COL17A1: variants seen among roughly 807,000 people sequenced by gnomAD.
The protein encoded by COL17A1 is collagen alpha-1(XVII) chain.
A neutral mutation model predicts 218.4 loss-of-function variants in COL17A1; 181 were observed. That is an observed-to-expected ratio of 0.83 (90% CI 0.73 to 0.94). The LOEUF (loss-of-function observed/expected upper bound fraction) is 0.94, where lower values mean the gene tolerates loss of function less well. COL17A1 is among the 40% of genes least tolerant of loss of function. COL17A1 has a pLI of 0.00. For synonymous variants in COL17A1, 721 were observed against 731.0 expected, an observed-to-expected ratio of 0.99 and a Z score of 0.22; for missense variants, 1,924 against 1,945.9, an observed-to-expected ratio of 0.99 and a Z score of 0.21.
chr10:104,064,339 G>T, intron 10 of COL17A1, 99 bp downstream of exon 10: 1 of 1,585,018 alleles, frequency 6.3e-7, no homozygotes, highest in Non-Finnish European at 8.6e-7. Flanking sequence ...CTCTCCAGGA[G>T]GCCCTGAGGA....
intron 3 of COL17A1, among the ~76,000 whole-genome samples, chr10:104,077,893 G>C (rs1170771523): frequency 6.6e-6 from 1 of 152,216 alleles, no homozygotes; most frequent in East Asian, 1.9e-4. Flanking sequence ...TGCTTTTTCT[G>C]AGTGCCTGGT....
chr10:104,061,450 G>T lies in COL17A1; in HGVS notation c.934C>A (p.Pro312Thr). The change falls in exon 13 of 56, where the codon CCC (proline) becomes ACC (threonine). Residue 312 changes from proline (P) to threonine (T), a missense_variant. By Grantham distance (38) the Pro-to-Thr change is conservative. Coordinates refer to ENST00000648076, the MANE Select transcript of COL17A1 (RefSeq NM_000494.4). ...GTGTTCACAGCCGCAGGACTCTGGG[G>T]CATGTTTTTCTTCACCCCATATGCT... ...STAYGVKKNMPQSPAAVNTGV... is the reference protein window; with the variant it reads ...STAYGVKKNMTQSPAAVNTGV... The T allele has an allele frequency of 1.9e-6, 3 of 1,613,600 alleles. No individual in the cohort carries two copies. Among genetic ancestry groups the T allele is most frequent in the Non-Finnish European group, 2.5e-6 (3 of 1,179,884 alleles).
chr10:104,039,903 C>T, intron 41 of COL17A1, 70 bp downstream of exon 41: 2 of 1,599,380 alleles, frequency 1.3e-6, no homozygotes, highest in Non-Finnish European at 1.7e-6. Flanking sequence ...AAGCTCAAAG[C>T]TCTTGGGAGG....
intron 9 of COL17A1, among the ~76,000 whole-genome samples, chr10:104,066,553 C>T (rs998041435): frequency 6.6e-6 from 1 of 152,100 alleles, no homozygotes; most frequent in Non-Finnish European, 1.5e-5. Context: ...AGTGAATTAA[C>T]CCCCATGCTC....
intron 33 of COL17A1, among the ~76,000 whole-genome samples, chr10:104,044,467 A>G (rs2086390032): frequency 6.6e-6 from 1 of 152,224 alleles, no homozygotes; most frequent in South Asian, 2.1e-4. Context: ...TGCAGTGCTG[A>G]GAACTGACAA....
chr10:104,045,691 G>T, intron 33 of COL17A1, 67 bp downstream of exon 33: 1 of 1,325,858 alleles, frequency 7.5e-7, no homozygotes, highest in Non-Finnish European at 1.1e-6. Flanking sequence ...GCCTCCTCCT[G>T]TCCATCCCTT....
In COL17A1 at chr10:104,059,701, T is replaced by A; in HGVS notation, c.1159A>T (p.Thr387Ser). The A allele has an allele frequency of 1.9e-6, 3 of 1,614,218 alleles. No individual in the cohort carries two copies. The highest frequency in any genetic ancestry group is 1.7e-6 in the Non-Finnish European group (2 of 1,180,034). ...SIAATSFSED[T>S]LKKEKQAAYN... ...GCAGCTTGCTTTTCTTTTTTTAGGG[T>A]GTCTTCTGAAAAAGAAGCTATGTAC... The change falls in exon 15 of 56, where the codon ACC (threonine) becomes TCC (serine). Residue 387 changes from threonine (T) to serine (S), a missense_variant. By Grantham distance (58) the Thr-to-Ser change is moderately conservative. Transcript: ENST00000648076.
rs1417230543 is a variant in COL17A1, at chr10:104,031,966, C to T, written c.*269G>A. On this transcript the variant is annotated 3_prime_UTR_variant, in exon 56 of 56. Coordinates refer to ENST00000648076, the MANE Select transcript of COL17A1 (RefSeq NM_000494.4). ...AACTAAGTAAAGAAGCCAAGGAGTT[C>T]AGATCTAGATAGCAGAGAAGTAAGT... is the stretch of plus-strand genomic sequence containing the variant. The T allele has an allele frequency of 1.8e-6, 1 of 542,638 alleles. No homozygotes were observed. The highest frequency in any genetic ancestry group is 1.9e-5 in the African/African-American group (1 of 52,796). The allele number at this position is 542,638 out of a possible 1,614,324, so 33.6% of individuals were successfully genotyped here.
rs769597571 is a variant in COL17A1 at position 104,032,253 on chromosome 10, A to T, written c.4476T>A (p.Ser1492Arg). 2 of 1,614,050 alleles carry T rather than the reference A, an allele frequency of 1.2e-6. No individual in the cohort carries two copies. Among genetic ancestry groups the T allele is most frequent in the South Asian group, 2.2e-5 (2 of 91,080 alleles). Reference sequence around the variant, plus strand: ...GGCTAGCTCACGGCTTGACAGCAATACTTCTTCTCCTTCTCCGCCCAGCAT... The same window carrying T: ...GGCTAGCTCACGGCTTGACAGCAATTCTTCTTCTCCTTCTCCGCCCAGCAT... The part of the protein sequence containing the change: ...QVYAGRRRRR[S>R]IAVKP The change falls in exon 56 of 56, where the codon AGT (serine) becomes AGA (arginine). Residue 1492 changes from serine (S) to arginine (R), a missense_variant. Transcript: ENST00000648076.
chr10:104,040,450 T>A (rs2086347187), intron 39 of COL17A1, 40 bp from the exon 40 acceptor site: 1 of 1,395,640 alleles, frequency 7.2e-7, no homozygotes, highest in African/African-American at 1.4e-5. Flanking sequence ...GACACTGATG[T>A]TTGTGAAGAA....
intron 35 of COL17A1, among the ~76,000 whole-genome samples, chr10:104,042,932 A>G (rs2086374998): frequency 6.6e-6 from 1 of 152,160 alleles, no homozygotes; most frequent in Non-Finnish European, 1.5e-5. Flanking sequence ...TCTTTTTTGC[A>G]TCTTGTATTA....
chr10:104,082,826 T>C (rs1402724762), intron 1 of COL17A1, among the ~76,000 whole-genome samples: 1 of 152,212 alleles, frequency 6.6e-6, no homozygotes, highest in Non-Finnish European at 1.5e-5. Context: ...TGAATCCCAA[T>C]GACAAAGCCT....
At chr10:104,058,554 G>C (rs141662040) in intron 15 of COL17A1, among the ~76,000 whole-genome samples, 181 of 152,306 alleles carry the variant, frequency 1.2e-3, no homozygotes, top group African/African-American at 3.1e-3. Context: ...CTGAACACAA[G>C]TTCCTGACCT....
Position 104,058,132 on chromosome 10 carries a change from C to T in COL17A1, c.1267+14G>A, listed in dbSNP as rs1489830165. 5.6e-6 allele frequency: 9 copies of T among 1,614,136 alleles called. No individual in the cohort carries two copies. The highest frequency in any genetic ancestry group is 3.3e-5 in the South Asian group (3 of 91,058). On this transcript the variant is annotated intron_variant, in intron 16 of 55. Transcript: ENST00000648076. ...CTGGATCCTGTCACTGCAGGGTTCG[C>T]GGTTCTCACCCACCTGCAGTGGTGG...
chr10:104,056,137 A>ATTATCTCTGCAT, intron 17 of COL17A1, 134 bp from the exon 18 acceptor site: 9 of 1,095,244 alleles, frequency 8.2e-6, no homozygotes, highest in Non-Finnish European at 1.2e-5. Flanking sequence ...ACTCATGCAG[A>ATTATCTCTGCAT]GATAATCTGC....
At chr10:104,060,668 G>A (rs1166353441) in intron 13 of COL17A1, among the ~76,000 whole-genome samples, 1 of 152,116 alleles carries the variant, frequency 6.6e-6, no homozygotes, top group African/African-American at 2.4e-5. Flanking sequence ...CCTTCTTGAG[G>A]AGGCTTTAGC....
At position 104,039,631 on chromosome 10, in the gene COL17A1, C is replaced by T. The variant is rs2086338014; in HGVS notation, c.2798G>A (p.Gly933Asp). Residue 933 changes from glycine to aspartate, a missense_variant, in exon 42 of 56, where the codon GGC becomes GAC. Coordinates refer to ENST00000648076, the MANE Select transcript of COL17A1 (RefSeq NM_000494.4). ...ACCTGAGGTTGAGAAACCTGGGAGG[C>T]CTTGCTCGCCTGAGGAACACACCAA... ...PGPRGHQGEQ[G>D]LPGFSTSGSS... 6.2e-7 allele frequency: 1 copy of T among 1,614,126 alleles called. No homozygotes were observed. Among genetic ancestry groups the T allele is most frequent in the East Asian group, 2.2e-5 (1 of 44,878 alleles).
At chr10:104,043,475 G>T in intron 35 of COL17A1, 26 bp downstream of exon 35, 1 of 1,603,136 alleles carries the variant, frequency 6.2e-7, no homozygotes. Context: ...TTGCTGATTT[G>T]GGGCAAAGCA....
chr10:104,045,997 C>T (rs1400166714), intron 32 of COL17A1, among the ~76,000 whole-genome samples: 1 of 152,186 alleles, frequency 6.6e-6, no homozygotes, highest in Non-Finnish European at 1.5e-5. Context: ...GGAAATGGGG[C>T]AACAGCTTGG....
Sources: gnomAD v4.1 joint callset for allele counts (sites outside exome capture counted in the v4.1 genomes callset) on GRCh38, gnomAD v4.1.1 for gene constraint, MANE v1.5 for transcripts, NCBI Gene and HGNC (gene_info 2026-07-23, HGNC 2026-07-21) for gene names.